SLC24A3: variants seen among roughly 807,000 people sequenced by gnomAD.
SLC24A3 encodes the protein solute carrier family 24 member 3.
A neutral mutation model predicts 75.8 loss-of-function variants in SLC24A3; 28 were observed. The observed-to-expected ratio is 0.37, with a 90% CI of 0.27 to 0.51. SLC24A3 has a LOEUF of 0.51. SLC24A3 is among the 20% of genes least tolerant of loss of function. The pLI is 0.94. For missense variants in SLC24A3, 663 were observed against 847.8 expected (o/e 0.78, Z 2.71); for synonymous variants, 372 against 334.1 (o/e 1.11, Z -1.24).
intron 2 of SLC24A3, among the ~76,000 whole-genome samples, chr20:19,484,407 G>A (rs1286045523): frequency 6.6e-6 from 1 of 152,154 alleles, no homozygotes; most frequent in Non-Finnish European, 1.5e-5. Flanking sequence ...GTGGCATCAT[G>A]TTGACACAAA....
At chr20:19,679,672 C>T (rs986926012) in intron 9 of SLC24A3, among the ~76,000 whole-genome samples, 5 of 152,116 alleles carry the variant, frequency 3.3e-5, no homozygotes, top group South Asian at 2.1e-4. Context: ...TATCGTCATA[C>T]GTAAAATTAA....
At chr20:19,238,454 G>A (rs1348872842) in intron 1 of SLC24A3, among the ~76,000 whole-genome samples, 1 of 152,226 alleles carries the variant, frequency 6.6e-6, no homozygotes, top group Non-Finnish European at 1.5e-5. Flanking sequence ...TCACTTGCAT[G>A]TATTTTGATC....
At chr20:19,515,430 T>G in intron 2 of SLC24A3, 58 bp from the exon 3 acceptor site, 1 of 1,527,436 alleles carries the variant, frequency 6.5e-7, no homozygotes, top group South Asian at 1.1e-5. Context: ...CTCCCAGACC[T>G]ACAGCACTGA....
intron 2 of SLC24A3, among the ~76,000 whole-genome samples, chr20:19,466,080 A>T (rs1042098777): frequency 6.6e-6 from 1 of 152,198 alleles, no homozygotes; most frequent in Non-Finnish European, 1.5e-5. Flanking sequence ...ATAAACCTTA[A>T]ATAAAATTCT....
At chr20:19,361,967 A>G (rs548622350) in intron 2 of SLC24A3, among the ~76,000 whole-genome samples, 1 of 152,330 alleles carries the variant, frequency 6.6e-6, no homozygotes, top group Admixed American at 6.5e-5. Context: ...AATGCCTCTC[A>G]GTCGTATCTC....
At chr20:19,615,879 TC>T (rs1299682644) in intron 6 of SLC24A3, among the ~76,000 whole-genome samples, 2 of 152,192 alleles carry the variant, frequency 1.3e-5, no homozygotes, top group African/African-American at 4.8e-5. Context: ...ACTGTTGGCT[TC>T]CCTGCTTTTG....
At chr20:19,344,840 C>G (rs1045092164) in intron 2 of SLC24A3, among the ~76,000 whole-genome samples, 9 of 152,158 alleles carry the variant, frequency 5.9e-5, no homozygotes, top group Non-Finnish European at 1.0e-4. Context: ...ATGTGTAGAG[C>G]ACCTACTACT....
chr20:19,515,671 C>A, intron 3 of SLC24A3, 107 bp downstream of exon 3: 1 of 1,089,420 alleles, frequency 9.2e-7, no homozygotes, highest in Non-Finnish European at 1.4e-6. Context: ...CCCTCCTGTT[C>A]CCACGCTGCC....
intron 2 of SLC24A3, among the ~76,000 whole-genome samples, chr20:19,460,417 A>G (rs1987650182): frequency 6.8e-6 from 1 of 146,612 alleles, no homozygotes; most frequent in African/African-American, 2.5e-5. Flanking sequence ...AACGACCCCC[A>G]CAGCCTAACC....
At chr20:19,263,835 A>G (rs977925811) in intron 1 of SLC24A3, among the ~76,000 whole-genome samples, 1 of 152,244 alleles carries the variant, frequency 6.6e-6, no homozygotes, top group Admixed American at 6.5e-5. Context: ...CGAAAGCTTC[A>G]CTGCCTATCC....
At chr20:19,673,808 GTAA>G (rs11468498) in intron 9 of SLC24A3, among the ~76,000 whole-genome samples, 154 bp downstream of exon 9, 22,210 of 152,184 alleles carry the variant, frequency 0.15, 1,747 homozygotes, top group Non-Finnish European at 0.18. Flanking sequence ...GTGAGTCACT[GTAA>G]TTTTGATTAG....
At chr20:19,478,939 G>A (rs987162053) in intron 2 of SLC24A3, among the ~76,000 whole-genome samples, 1 of 152,218 alleles carries the variant, frequency 6.6e-6, no homozygotes, top group African/African-American at 2.4e-5. Context: ...CTTGTCAGTG[G>A]CAGGTCTCCT....
At chr20:19,476,724 T>C (rs1987967441) in intron 2 of SLC24A3, among the ~76,000 whole-genome samples, 1 of 152,086 alleles carries the variant, frequency 6.6e-6, no homozygotes, top group Admixed American at 6.5e-5. Context: ...CAGTTGAAAG[T>C]ATGGGGCCTT....
At chr20:19,407,268 T>C (rs1426184419) in intron 2 of SLC24A3, among the ~76,000 whole-genome samples, 1 of 152,130 alleles carries the variant, frequency 6.6e-6, no homozygotes, top group Non-Finnish European at 1.5e-5. Context: ...ACTAAGAGGA[T>C]GGCGGTAGGA....
At chr20:19,278,168 T>A (rs1983545342) in intron 1 of SLC24A3, among the ~76,000 whole-genome samples, 1 of 152,220 alleles carries the variant, frequency 6.6e-6, no homozygotes, top group South Asian at 2.1e-4. Context: ...GGGGATTATG[T>A]CCTCTTTCAT....
intron 1 of SLC24A3, among the ~76,000 whole-genome samples, chr20:19,234,687 A>G (rs1013111757): frequency 6.6e-6 from 1 of 152,196 alleles, no homozygotes; most frequent in African/African-American, 2.4e-5. Flanking sequence ...GAGCACCGTG[A>G]TGTCATTGGT....
chr20:19,710,003 TCAAA>T lies in SLC24A3; in HGVS notation c.1720-7520_1720-7517del, dbSNP rs776386074. ...TCACTGTCTTACCTCATTTAATTGTTCAAACAAAGAGATTGCCACCCAGTGATAT... is the reference window on the plus strand; with the variant it reads ...TCACTGTCTTACCTCATTTAATTGTTCAAAGAGATTGCCACCCAGTGATAT... On this transcript the variant is annotated intron_variant, in intron 15 of 16. Coordinates refer to ENST00000328041, the MANE Select transcript of SLC24A3 (RefSeq NM_020689.4). Among the ~76,000 whole-genome samples, 39 of 152,302 alleles carry T rather than the reference TCAAA, an allele frequency of 2.6e-4. 1 individual carries two copies. The highest frequency in any genetic ancestry group is 8.2e-4 in the African/African-American group (34 of 41,568).
chr20:19,494,704 T>C (rs1416066321), intron 2 of SLC24A3, among the ~76,000 whole-genome samples: 4 of 152,134 alleles, frequency 2.6e-5, no homozygotes, highest in African/African-American at 7.2e-5. Context: ...CAGAAGGAGC[T>C]AGACCCACTC....
chr20:19,359,839 A>G (rs1985754786), intron 2 of SLC24A3, among the ~76,000 whole-genome samples: 1 of 152,156 alleles, frequency 6.6e-6, no homozygotes, highest in Admixed American at 6.5e-5. Context: ...GAGTGTTACC[A>G]CTGAGGACAG....
Sources: allele counts gnomAD v4.1 joint callset (sites outside exome capture counted in the v4.1 genomes callset), GRCh38; gene constraint gnomAD v4.1.1; transcripts MANE v1.5; gene names NCBI Gene and HGNC (gene_info 2026-07-23, HGNC 2026-07-21).